SH2D5: variants seen among roughly 807,000 people sequenced by gnomAD.
The protein encoded by SH2D5 is SH2 domain-containing protein 5.
SH2D5 carries 45 observed loss-of-function variants against 48.2 expected under a neutral mutation model. That is an observed-to-expected ratio of 0.93 (90% confidence interval 0.73 to 1.20). The LOEUF (loss-of-function observed/expected upper bound fraction) is 1.20, where lower values mean the gene tolerates loss of function less well. Ranked by LOEUF, SH2D5 falls within the 50% of genes most tolerant of loss-of-function variation. The pLI, the probability that SH2D5 is intolerant of heterozygous loss-of-function variation, is 0.00. For synonymous variants in SH2D5, 230 were observed against 249.8 expected (o/e 0.92, Z 0.75); for missense variants, 538 against 584.1 (o/e 0.92, Z 0.81).
rs2054657790 is a variant in SH2D5 at position 20,720,027 on chromosome 1, C to G, written c.*1765G>C. ...ATCCCTCACAGAGGAGAGCCTTGGC[C>G]CAAGTCTGGACCAATGACCAGGTCT... On this transcript the variant is annotated 3_prime_UTR_variant, in exon 10 of 10. Transcript: ENST00000444387. 6.6e-6 allele frequency: 1 copy of G among 152,344 alleles called. No individual in the cohort carries two copies. Among genetic ancestry groups the G allele is most frequent in the African/African-American group, 2.4e-5 (1 of 41,562 alleles). The allele number at this position is 152,344 out of a possible 1,614,324, so 9.4% of individuals were successfully genotyped here. A position where few individuals can be genotyped will look rare whatever the true frequency, so the allele number is the denominator to read the frequency against.
intron 7 of SH2D5, 41 bp from the exon 8 acceptor site, chr1:20,723,775 C>G (rs752514535): frequency 6.6e-7 from 1 of 1,507,906 alleles, no homozygotes; most frequent in East Asian, 2.3e-5. Context: ...AGTGGCCGAG[C>G]CCTCCCATTC....
chr1:20,728,111 C>A lies in SH2D5; in HGVS notation c.-42-25G>T. The stretch of plus-strand genomic sequence containing the variant: ...GCTGCAAAGGGCAGGGGGGGAAGGG[C>A]TGCTTTCGAGGCAGGCAAGCCACAG... On this transcript the variant is annotated intron_variant, in intron 1 of 9. Transcript: ENST00000444387. The surrounding 1 kb of genome is among the most constrained non-coding windows in gnomAD (Gnocchi z 4.3). 2 of 1,205,716 alleles carry A rather than the reference C, an allele frequency of 1.7e-6. No homozygotes were observed. Among genetic ancestry groups the A allele is most frequent in the Non-Finnish European group, 2.3e-6 (2 of 856,330 alleles). 74.7% of individuals were successfully genotyped at this position (1,205,716 alleles called of 1,614,324 possible).
intron 2 of SH2D5, 31 bp from the exon 3 acceptor site, chr1:20,727,634 C>T (rs1182401065): frequency 3.2e-6 from 5 of 1,577,846 alleles, no homozygotes; most frequent in East Asian, 2.3e-5. Flanking sequence ...GGGAGTAAGG[C>T]GGGGAGTCAG....
rs1293693342 is a variant in SH2D5 at position 20,728,926 on chromosome 1, C to A, written c.-42-840G>T. Among the ~76,000 whole-genome samples the A allele has an allele frequency of 1.3e-5, 2 of 152,124 alleles. No homozygotes were observed. On this transcript the variant is annotated intron_variant, in intron 1 of 9. Transcript: ENST00000444387. This position sits in a 1 kb window ranked among gnomAD's most constrained non-coding sequence, Gnocchi z 4.3. Reference sequence around the variant, plus strand: ...CCAGCCCCTTCCTGAACCCCCCAACCCCTTGCAGATCATGAAAACCAGAAC... The same window carrying A: ...CCAGCCCCTTCCTGAACCCCCCAACACCTTGCAGATCATGAAAACCAGAAC...
At chr1:20,723,240 G>A (rs1289572760) in intron 8 of SH2D5, among the ~76,000 whole-genome samples, 1 of 152,244 alleles carries the variant, frequency 6.6e-6, no homozygotes, top group Non-Finnish European at 1.5e-5. Context: ...CTGACTCAGA[G>A]TCTGGCTCAA....
chr1:20,725,210 A>G (rs2054771674), intron 5 of SH2D5, among the ~76,000 whole-genome samples: 1 of 152,186 alleles, frequency 6.6e-6, no homozygotes, highest in African/African-American at 2.4e-5. Context: ...TCCAGACCCA[A>G]CGAGTTAGAA....
chr1:20,727,729 G>A (rs2054829844), intron 2 of SH2D5, 126 bp from the exon 3 acceptor site: 8 of 996,600 alleles, frequency 8.0e-6, no homozygotes, highest in Non-Finnish European at 1.1e-5. Flanking sequence ...GACAGAGCTC[G>A]ATTCTCGGAG....
Position 20,732,542 on chromosome 1 carries a change from C to T in SH2D5, c.-404G>A, listed in dbSNP as rs867558052. ...TCATCCCTCTCCTCTTACTCGAGGACAAGTGACACTGGACCGGAGTGTCTC... is the reference window on the plus strand; with the variant it reads ...TCATCCCTCTCCTCTTACTCGAGGATAAGTGACACTGGACCGGAGTGTCTC... On this transcript the variant is annotated 5_prime_UTR_variant, in exon 1 of 10. Coordinates refer to ENST00000444387, the MANE Select transcript of SH2D5 (RefSeq NM_001103161.2). The surrounding 1 kb of genome is among the most constrained non-coding windows in gnomAD (Gnocchi z 5.1). The T allele has an allele frequency of 6.6e-6, 1 of 152,380 alleles. No individual in the cohort carries two copies. Among genetic ancestry groups the T allele is most frequent in the African/African-American group, 2.4e-5 (1 of 41,472 alleles). 9.4% of individuals were successfully genotyped at this position (152,380 alleles called of 1,614,324 possible). A position where few individuals can be genotyped will look rare whatever the true frequency, so the allele number is the denominator to read the frequency against.
At chr1:20,723,814 G>A in intron 7 of SH2D5, 80 bp from the exon 8 acceptor site, 1 of 1,232,596 alleles carries the variant, frequency 8.1e-7, no homozygotes, top group Non-Finnish European at 1.2e-6. Context: ...ATCACCCAGG[G>A]TGGTGTCCTC....
At position 20,732,442 on chromosome 1, in the gene SH2D5, C is replaced by A. The variant is rs1251924940; in HGVS notation, c.-304G>T. On this transcript the variant is annotated 5_prime_UTR_variant, in exon 1 of 10. Coordinates refer to ENST00000444387, the MANE Select transcript of SH2D5 (RefSeq NM_001103161.2). The surrounding 1 kb of genome is among the most constrained non-coding windows in gnomAD (Gnocchi z 5.1). ...CCGAGCCGCGGCTACCGCACCGCCTCCTCCGGGAAGCCTTCCACGACCACC... is the reference window on the plus strand; with the variant it reads ...CCGAGCCGCGGCTACCGCACCGCCTACTCCGGGAAGCCTTCCACGACCACC... 1 of 152,754 alleles carries A rather than the reference C, an allele frequency of 6.5e-6. No homozygotes were observed. Among genetic ancestry groups the A allele is most frequent in the Admixed American group, 6.5e-5 (1 of 15,302 alleles). 9.5% of individuals were successfully genotyped at this position (152,754 alleles called of 1,614,324 possible). A position where few individuals can be genotyped will look rare whatever the true frequency, so the allele number is the denominator to read the frequency against.
chr1:20,726,120 C>T, intron 4 of SH2D5, 54 bp from the exon 5 acceptor site: 3 of 1,531,154 alleles, frequency 2.0e-6, no homozygotes, highest in South Asian at 2.5e-5. Context: ...AGCCCCACCC[C>T]TGCTTGCCAG....
intron 8 of SH2D5, 104 bp downstream of exon 8, chr1:20,723,522 G>C: frequency 1.2e-6 from 1 of 836,362 alleles, no homozygotes; most frequent in Non-Finnish European, 1.9e-6. Context: ...GGTTGGGAGC[G>C]CTCTGCCCGT....
chr1:20,727,001 C>T lies in SH2D5; in HGVS notation c.243G>A (p.Glu81=), dbSNP rs761914495. Residue 81 remains glutamate, a splice_region_variant and synonymous_variant, in exon 4 of 10, where the codon GAG becomes GAA. Coordinates refer to ENST00000444387, the MANE Select transcript of SH2D5 (RefSeq NM_001103161.2). ...CACCTGCACCCACAGGGGTTCCTAC[C>T]TCACCCTCCCCGCTGTAGATCTTGA... ...QGLKIYSGEG[E]VLLMAHALRR... 1.2e-6 allele frequency: 2 copies of T among 1,610,140 alleles called. No homozygotes were observed. The highest frequency in any genetic ancestry group is 1.3e-5 in the African/African-American group (1 of 74,974).
chr1:20,724,332 G>GC lies in SH2D5; in HGVS notation c.630+63dup, dbSNP rs897668315. 9.4e-6 allele frequency: 15 copies of GC among 1,601,018 alleles called. No individual in the cohort carries two copies. The African/African-American group carries it at 1.1e-4, about 11-fold the overall frequency. ...CCAAGTGAAGCCCCTGCCCTGACAT[G>GC]CCCCCCAAACCCATACCCAGTTCCC... On this transcript the variant is annotated intron_variant, in intron 6 of 9. Coordinates refer to ENST00000444387, the MANE Select transcript of SH2D5 (RefSeq NM_001103161.2).
At position 20,727,090 on chromosome 1, in the gene SH2D5, G is replaced by A; in HGVS notation, c.169-15C>T. 1 of 1,606,102 alleles carries A rather than the reference G, an allele frequency of 6.2e-7. No homozygotes were observed. On this transcript the variant is annotated splice_polypyrimidine_tract_variant and intron_variant, in intron 3 of 9. Transcript: ENST00000444387. The stretch of plus-strand genomic sequence containing the variant: ...CGGGGACAGTCCTGGGTGGAAAAGA[G>A]TAGTGGGGACAGGCACCACCTCCCA...
chr1:20,731,940 C>T (rs2054918593), intron 1 of SH2D5, among the ~76,000 whole-genome samples: 1 of 151,946 alleles, frequency 6.6e-6, no homozygotes, highest in Admixed American at 6.6e-5. Flanking sequence ...CTCCCGAGAC[C>T]CTCCCGCGCC....
At position 20,727,864 on chromosome 1, in the gene SH2D5, A is replaced by G. The variant is rs888593422; in HGVS notation, c.87+94T>C. The G allele has an allele frequency of 1.2e-5, 13 of 1,069,698 alleles. No homozygotes were observed. The Middle Eastern group carries it at 9.8e-4, about 81-fold the overall frequency. The allele number at this position is 1,069,698 out of a possible 1,614,324, so 66.3% of individuals were successfully genotyped here. A position where few individuals can be genotyped will look rare whatever the true frequency, so the allele number is the denominator to read the frequency against. On this transcript the variant is annotated intron_variant, in intron 2 of 9. Coordinates refer to ENST00000444387, the MANE Select transcript of SH2D5 (RefSeq NM_001103161.2). ...CAAGTCAGGCAAGAAAGAGGTGGAA[A>G]TAGGTCCTAGGCCCGCAGCACTTCC...
At chr1:20,726,570 C>T (rs901479903) in intron 4 of SH2D5, among the ~76,000 whole-genome samples, 7 of 152,202 alleles carry the variant, frequency 4.6e-5, no homozygotes, top group Middle Eastern at 6.8e-3. Flanking sequence ...CAGTCTGGCG[C>T]GCAATCAGTG....
intron 9 of SH2D5, 44 bp from the exon 10 acceptor site, chr1:20,722,039 C>G: frequency 6.4e-7 from 1 of 1,574,732 alleles, no homozygotes; most frequent in Non-Finnish European, 8.7e-7. Flanking sequence ...TTCCCCAGGG[C>G]TCACGCCAGG....
Sources: allele counts gnomAD v4.1 joint callset (sites outside exome capture counted in the v4.1 genomes callset), GRCh38; gene constraint gnomAD v4.1.1; non-coding constraint Gnocchi (gnomAD v3.1); transcripts MANE v1.5; gene names NCBI Gene and HGNC (gene_info 2026-07-23, HGNC 2026-07-21).